CACNA2D3: variants seen among roughly 807,000 people sequenced by gnomAD.
The protein encoded by CACNA2D3 is calcium voltage-gated channel auxiliary subunit alpha2delta 3.
A neutral mutation model predicts 160.6 loss-of-function variants in CACNA2D3; 60 were observed. The ratio of observed to expected loss-of-function variants is 0.37; its 90% confidence interval spans 0.30 to 0.46. CACNA2D3 has a LOEUF of 0.46. CACNA2D3 is among the 20% of genes least tolerant of loss of function. The pLI is 1.00. For missense variants in CACNA2D3, 1,205 were observed against 1,365.0 expected (o/e 0.88, Z 1.85); for synonymous variants, 558 against 492.9 (o/e 1.13, Z -1.75).
chr3:54,495,245 A>G (rs749691536), intron 4 of CACNA2D3, among the ~76,000 whole-genome samples: 9 of 152,100 alleles, frequency 5.9e-5, no homozygotes, highest in East Asian at 1.9e-4. Flanking sequence ...TTTGCTTTAA[A>G]AAATGGTTAG....
At chr3:54,168,743 G>A (rs993218512) in intron 2 of CACNA2D3, among the ~76,000 whole-genome samples, 8 of 152,296 alleles carry the variant, frequency 5.3e-5, no homozygotes, top group African/African-American at 7.2e-5. Context: ...ATGCAAATGG[G>A]AGAGATGGAA....
chr3:54,710,060 T>C (rs547499285), intron 11 of CACNA2D3, among the ~76,000 whole-genome samples: 2 of 152,318 alleles, frequency 1.3e-5, no homozygotes, highest in South Asian at 2.1e-4. Context: ...AATCGACTCA[T>C]TCATTTGCTA....
chr3:54,563,718 A>G (rs949212304), intron 6 of CACNA2D3, among the ~76,000 whole-genome samples: 1 of 152,206 alleles, frequency 6.6e-6, no homozygotes, highest in Admixed American at 6.5e-5. Context: ...GAAGGGGGAG[A>G]AAAACCCCAC....
chr3:54,632,750 GTGTAAA>G (rs1699270829), intron 10 of CACNA2D3: 1 of 152,184 alleles, frequency 6.6e-6, no homozygotes, highest in Non-Finnish European at 1.5e-5. Flanking sequence ...CAGTCTTAGG[GTGTAAA>G]TTGTCCTTTG....
At chr3:54,993,906 GTGTGTGTGTGTGTGTTT>G (rs1400194857) in intron 31 of CACNA2D3, among the ~76,000 whole-genome samples, 2 of 146,472 alleles carry the variant, frequency 1.4e-5, no homozygotes, top group Admixed American at 1.4e-4. Context: ...GTGTGTGTGT[GTGTGTGTGTGTGTGTTT>G]TGTGTGTGTG....
chr3:54,579,467 T>A (rs1702639646), intron 8 of CACNA2D3, among the ~76,000 whole-genome samples: 1 of 152,204 alleles, frequency 6.6e-6, no homozygotes, highest in Non-Finnish European at 1.5e-5. Flanking sequence ...GAGTTTTCCC[T>A]TAATGGCAGG....
At chr3:54,186,352 A>G (rs551150985) in intron 2 of CACNA2D3, among the ~76,000 whole-genome samples, 7 of 152,312 alleles carry the variant, frequency 4.6e-5, no homozygotes, top group African/African-American at 1.7e-4. Context: ...GGGTGAATCT[A>G]GGGGTGAATT....
intron 3 of CACNA2D3, among the ~76,000 whole-genome samples, chr3:54,368,447 G>A (rs1698862931): frequency 6.6e-6 from 1 of 152,124 alleles, no homozygotes; most frequent in South Asian, 2.1e-4. Flanking sequence ...CTGAGGGAGA[G>A]AAAGAAAGAG....
chr3:54,236,577 G>A (rs1164085355), intron 2 of CACNA2D3, among the ~76,000 whole-genome samples: 1 of 152,166 alleles, frequency 6.6e-6, no homozygotes, highest in African/African-American at 2.4e-5. Flanking sequence ...GATGAAGATT[G>A]AGGGGTGGGT....
chr3:54,244,194 T>G (rs190093280), intron 2 of CACNA2D3, among the ~76,000 whole-genome samples: 183 of 152,226 alleles, frequency 1.2e-3, no homozygotes, highest in African/African-American at 4.1e-3. Context: ...TTTCTTTTGG[T>G]AGAAGTGGCC....
At chr3:54,605,665 C>T (rs1362999261) in intron 9 of CACNA2D3, among the ~76,000 whole-genome samples, 1 of 152,126 alleles carries the variant, frequency 6.6e-6, no homozygotes, top group Admixed American at 6.5e-5. Flanking sequence ...CCCCCACCCA[C>T]TAGTATGTAA....
At chr3:54,167,457 C>G (rs1576973696) in intron 2 of CACNA2D3, among the ~76,000 whole-genome samples, 1 of 152,268 alleles carries the variant, frequency 6.6e-6, no homozygotes, top group South Asian at 2.1e-4. Context: ...CCATACACCG[C>G]AGAGCCTGGG....
chr3:54,785,909 C>T (rs1471310030), intron 13 of CACNA2D3, among the ~76,000 whole-genome samples: 3 of 152,194 alleles, frequency 2.0e-5, no homozygotes, highest in Admixed American at 6.5e-5. Flanking sequence ...CTGCCTGGAA[C>T]ATCCCTGCAG....
At chr3:54,774,775 C>CA (rs1280969405) in intron 13 of CACNA2D3, among the ~76,000 whole-genome samples, 2 of 151,598 alleles carry the variant, frequency 1.3e-5, no homozygotes, top group Non-Finnish European at 2.9e-5. Context: ...GCTGGGATTA[C>CA]AGGCGCCCGC....
intron 11 of CACNA2D3, among the ~76,000 whole-genome samples, chr3:54,730,161 G>C (rs1463856173): frequency 1.3e-5 from 2 of 152,166 alleles, no homozygotes; most frequent in Non-Finnish European, 2.9e-5. Flanking sequence ...GCATAGACCT[G>C]CATCTTTGAC....
intron 27 of CACNA2D3, among the ~76,000 whole-genome samples, chr3:54,932,926 G>A (rs1701228030): frequency 6.6e-6 from 1 of 152,196 alleles, no homozygotes. Context: ...GTTTGACATT[G>A]GAGGCATGTG....
intron 2 of CACNA2D3, among the ~76,000 whole-genome samples, chr3:54,194,480 C>A (rs879460983): frequency 1.3e-5 from 2 of 152,162 alleles, no homozygotes; most frequent in Non-Finnish European, 2.9e-5. Flanking sequence ...TCTCCCACCT[C>A]CTTGTCTTTC....
At chr3:54,804,368 A>T (rs1198344031) in intron 13 of CACNA2D3, among the ~76,000 whole-genome samples, 2 of 152,146 alleles carry the variant, frequency 1.3e-5, no homozygotes. Flanking sequence ...AAGATCTACC[A>T]AGCAAATGGA....
chr3:54,551,686 T>G (rs1206426639), intron 5 of CACNA2D3, among the ~76,000 whole-genome samples: 1 of 152,202 alleles, frequency 6.6e-6, no homozygotes, highest in Non-Finnish European at 1.5e-5. Flanking sequence ...CTGATGCTTC[T>G]GGAACAGCGT....
Sources: allele counts gnomAD v4.1 joint callset (sites outside exome capture counted in the v4.1 genomes callset), GRCh38; gene constraint gnomAD v4.1.1; transcripts MANE v1.5; gene names NCBI Gene and HGNC (gene_info 2026-07-23, HGNC 2026-07-21).